Variants in PITPNC1 observed in about 807,000 individuals in gnomAD.
PITPNC1 encodes the protein phosphatidylinositol transfer protein cytoplasmic 1.
Under a neutral mutation model 44.7 loss-of-function variants are expected in PITPNC1, and 18 were observed. The ratio of observed to expected loss-of-function variants is 0.40; its 90% CI spans 0.28 to 0.60. The LOEUF (loss-of-function observed/expected upper bound fraction) is 0.60. Ranked by LOEUF, PITPNC1 falls within the 20% of genes least tolerant of loss-of-function variation. The pLI, the probability that PITPNC1 is intolerant of heterozygous loss-of-function variation, is 0.39. For synonymous variants in PITPNC1, 141 were observed against 149.6 expected (o/e 0.94, Z 0.42); for missense variants, 290 against 418.4 (o/e 0.69, Z 2.68).
chr17:67,503,564 G>T (rs949779374), intron 1 of PITPNC1, among the ~76,000 whole-genome samples: 1 of 152,110 alleles, frequency 6.6e-6, no homozygotes, highest in Non-Finnish European at 1.5e-5. Context: ...TGAAACAAAG[G>T]CAAATTAATA....
chr17:67,647,272 A>G (rs909044906), intron 6 of PITPNC1, among the ~76,000 whole-genome samples: 2 of 151,978 alleles, frequency 1.3e-5, no homozygotes, highest in African/African-American at 4.8e-5. Flanking sequence ...GCCATCCTCC[A>G]TTAGAGAATA....
intron 6 of PITPNC1, among the ~76,000 whole-genome samples, chr17:67,666,350 G>C (rs1007593226): frequency 1.3e-5 from 2 of 152,126 alleles, no homozygotes; most frequent in African/African-American, 4.8e-5. Flanking sequence ...GCAGGACTTG[G>C]TGGGGGAGAA....
intron 1 of PITPNC1, among the ~76,000 whole-genome samples, chr17:67,521,643 C>T (rs1173898208): frequency 6.6e-6 from 1 of 152,028 alleles, no homozygotes; most frequent in Non-Finnish European, 1.5e-5. Flanking sequence ...GCCTGGAAGA[C>T]TGGGGCTTAG....
Position 67,485,851 on chromosome 17 carries a change from G to T in PITPNC1, c.49-46951G>T, listed in dbSNP as rs537727365. On this transcript the variant is annotated intron_variant, in intron 1 of 8. Transcript: ENST00000581322. Reference sequence around the variant, plus strand: ...GCCACAAGCTGAAGGCTGTCTTCTGGGGGCGGCTTAAATGCATTAGATTAG... The same window carrying T: ...GCCACAAGCTGAAGGCTGTCTTCTGTGGGCGGCTTAAATGCATTAGATTAG... 3.2e-3 allele frequency among the ~76,000 whole-genome samples: 494 copies of T among 152,278 alleles called. 1 individual carries two copies. The highest frequency in any genetic ancestry group is 0.011 in the African/African-American group (467 of 41,552).
intron 1 of PITPNC1, among the ~76,000 whole-genome samples, chr17:67,397,014 C>G (rs1224861993): frequency 6.6e-6 from 1 of 152,078 alleles, no homozygotes; most frequent in African/African-American, 2.4e-5. Context: ...AAGTCTCACT[C>G]TTATCCCCTA....
chr17:67,496,222 C>T (rs908264388), intron 1 of PITPNC1, among the ~76,000 whole-genome samples: 21 of 152,194 alleles, frequency 1.4e-4, no homozygotes, highest in African/African-American at 4.6e-4. Context: ...ATCCCTCTAA[C>T]GAATGCTTCC....
At chr17:67,539,130 C>T (rs555846324) in intron 2 of PITPNC1, among the ~76,000 whole-genome samples, 7 of 152,262 alleles carry the variant, frequency 4.6e-5, no homozygotes, top group Admixed American at 2.0e-4. Context: ...CTTTTACACA[C>T]ATCAGATAGA....
At chr17:67,437,458 A>G (rs2038953098) in intron 1 of PITPNC1, among the ~76,000 whole-genome samples, 1 of 152,158 alleles carries the variant, frequency 6.6e-6, no homozygotes, top group Non-Finnish European at 1.5e-5. Flanking sequence ...GATTTCCTCC[A>G]GAGCATGGCC....
intron 1 of PITPNC1, among the ~76,000 whole-genome samples, chr17:67,442,009 G>A (rs1177130281): frequency 1.3e-5 from 2 of 151,758 alleles, no homozygotes; most frequent in Non-Finnish European, 2.9e-5. Context: ...AGCCCAAGCT[G>A]AGCCTCAGCC....
chr17:67,474,775 C>T (rs2039601216), intron 1 of PITPNC1, among the ~76,000 whole-genome samples: 2 of 152,114 alleles, frequency 1.3e-5, no homozygotes, highest in South Asian at 4.1e-4. Context: ...CCACCTCAGC[C>T]TCCTGAGAAG....
At chr17:67,678,978 T>C (rs1238598320) in intron 8 of PITPNC1, among the ~76,000 whole-genome samples, 1 of 152,218 alleles carries the variant, frequency 6.6e-6, no homozygotes, top group Non-Finnish European at 1.5e-5. Flanking sequence ...GGGTACTTGT[T>C]AGAAATGCAT....
rs143302814 is a variant in PITPNC1, at chr17:67,555,694, G to A, written c.294+2077G>A. Among the ~76,000 whole-genome samples the A allele has an allele frequency of 4.3e-3, 343 of 78,932 alleles. 27 individuals are homozygous for A. The highest frequency in any genetic ancestry group is 6.8e-3 in the Middle Eastern group (1 of 148). The allele number at this position is 78,932 out of a possible 152,430, so 51.8% of individuals were successfully genotyped here. On this transcript the variant is annotated intron_variant, in intron 4 of 8. Transcript: ENST00000581322. ...ATACAAAAAAAAAAAAAAAAAAAAA[G>A]GTAGTTGGGTGTGGTGGCGGGCGCC...
chr17:67,566,637 G>A (rs762713602), intron 4 of PITPNC1, among the ~76,000 whole-genome samples: 5 of 152,214 alleles, frequency 3.3e-5, no homozygotes, highest in Non-Finnish European at 7.3e-5. Flanking sequence ...ATGAATTTCT[G>A]AAATGAATAA....
At chr17:67,654,135 G>C (rs576437758) in intron 6 of PITPNC1, among the ~76,000 whole-genome samples, 4 of 152,314 alleles carry the variant, frequency 2.6e-5, no homozygotes, top group African/African-American at 9.6e-5. Context: ...AAACATAAGA[G>C]AAAGGGGGAA....
intron 4 of PITPNC1, among the ~76,000 whole-genome samples, chr17:67,566,026 T>G (rs1271019007): frequency 7.2e-5 from 11 of 152,202 alleles, no homozygotes; most frequent in African/African-American, 2.7e-4. Flanking sequence ...TTTTACACTT[T>G]GTTTTTTTAA....
At chr17:67,382,349 GT>G (rs1021002065) in intron 1 of PITPNC1, among the ~76,000 whole-genome samples, 1 of 151,640 alleles carries the variant, frequency 6.6e-6, no homozygotes, top group African/African-American at 2.4e-5. Context: ...GTGTGTGTGT[GT>G]GTGTGTGTGT....
At chr17:67,677,403 C>A (rs771195599) in intron 8 of PITPNC1, among the ~76,000 whole-genome samples, 1 of 151,928 alleles carries the variant, frequency 6.6e-6, no homozygotes, top group African/African-American at 2.4e-5. Context: ...AAAGAATAGC[C>A]GGGCTCTGAT....
chr17:67,486,923 C>T (rs531183243), intron 1 of PITPNC1, among the ~76,000 whole-genome samples: 2 of 151,998 alleles, frequency 1.3e-5, no homozygotes, highest in African/African-American at 4.8e-5. Context: ...ATCCCAGCTA[C>T]TTGGGAGGCT....
At chr17:67,649,090 G>A (rs956457031) in intron 6 of PITPNC1, among the ~76,000 whole-genome samples, 40 of 152,292 alleles carry the variant, frequency 2.6e-4, no homozygotes, top group African/African-American at 8.9e-4. Flanking sequence ...AGAGTTCAAG[G>A]CTGCAGTGAG....
Sources: allele counts gnomAD v4.1 joint callset (sites outside exome capture counted in the v4.1 genomes callset), GRCh38; gene constraint gnomAD v4.1.1; transcripts MANE v1.5; gene names NCBI Gene and HGNC (gene_info 2026-07-23, HGNC 2026-07-21).